SHISA6: variants seen among roughly 807,000 people sequenced by gnomAD.
SHISA6 encodes protein shisa-6.
Under a neutral mutation model 47.9 loss-of-function variants are expected in SHISA6, and 22 were observed. The observed-to-expected ratio is 0.46, with a 90% confidence interval of 0.33 to 0.66. The LOEUF (loss-of-function observed/expected upper bound fraction) is 0.66, where lower values mean the gene tolerates loss of function less well. Ranked by LOEUF, SHISA6 falls within the 30% of genes least tolerant of loss-of-function variation. The probability of loss-of-function intolerance (pLI) is 0.02; values close to 1 mark genes in which losing one functional copy is unlikely to be tolerated. For missense variants in SHISA6, 680 were observed against 764.6 expected, an observed-to-expected ratio of 0.89 and a Z score of 1.30; for synonymous variants, 388 against 337.8, an observed-to-expected ratio of 1.15 and a Z score of -1.63.
chr17:11,520,006 T>C (rs78297931), intron 3 of SHISA6, among the ~76,000 whole-genome samples: 8,461 of 152,138 alleles, frequency 0.056, 281 homozygotes, highest in Middle Eastern at 0.099. Context: ...TCCTAGACCT[T>C]TTCTCTCTCC....
chr17:11,276,830 G>A (rs909866151), intron 2 of SHISA6, among the ~76,000 whole-genome samples: 1 of 152,124 alleles, frequency 6.6e-6, no homozygotes, highest in Non-Finnish European at 1.5e-5. Flanking sequence ...CTTCATTCAG[G>A]ACGACTTCAA....
chr17:11,528,610 G>T (rs1025542346), intron 3 of SHISA6, among the ~76,000 whole-genome samples: 1 of 152,162 alleles, frequency 6.6e-6, no homozygotes, highest in African/African-American at 2.4e-5. Context: ...AAAGCACTGA[G>T]ACACAGACAC....
intron 3 of SHISA6, among the ~76,000 whole-genome samples, chr17:11,394,753 A>G (rs1228336735): frequency 1.3e-5 from 2 of 152,134 alleles, no homozygotes; most frequent in African/African-American, 2.4e-5. Flanking sequence ...TAATTCCTGT[A>G]TACCCTTCGA....
rs186642474 is a variant in SHISA6 at position 11,527,658 on chromosome 17, C to T, written c.896-24238C>T. Among the ~76,000 whole-genome samples the T allele has an allele frequency of 2.7e-5, 4 of 150,544 alleles. No homozygotes were observed. The East Asian group carries it at 7.7e-4, about 29-fold the overall frequency. On this transcript the variant is annotated intron_variant, in intron 3 of 5. Transcript: ENST00000441885. ...GAGTGGGTCAAATCTGGCCTGCTAT[C>T]TGTTTTTGTAAATAAAGTTTTATTG...
At chr17:11,273,617 G>A (rs535596122) in intron 2 of SHISA6, among the ~76,000 whole-genome samples, 1 of 152,366 alleles carries the variant, frequency 6.6e-6, no homozygotes, top group East Asian at 1.9e-4. Context: ...GATTTGTTGA[G>A]GGCTGACTGT....
At chr17:11,354,800 A>G (rs1311658087) in intron 2 of SHISA6, among the ~76,000 whole-genome samples, 2 of 152,076 alleles carry the variant, frequency 1.3e-5, no homozygotes, top group African/African-American at 2.4e-5. Context: ...CCCTCCAGAA[A>G]CAGAATAGCC....
intron 2 of SHISA6, among the ~76,000 whole-genome samples, chr17:11,336,028 G>C (rs144082229): frequency 7.0e-6 from 1 of 143,028 alleles, no homozygotes; most frequent in East Asian, 2.0e-4. Flanking sequence ...GTGAAACCCC[G>C]TCTCTACTTA....
rs1181395685 is a variant in SHISA6 at position 11,560,929 on chromosome 17, G to A, written c.*2625G>A. 1 of 151,864 alleles carries A rather than the reference G, an allele frequency of 6.6e-6. No homozygotes were observed. The highest frequency in any genetic ancestry group is 2.4e-5 in the African/African-American group (1 of 41,326). 9.4% of individuals were successfully genotyped at this position (151,864 alleles called of 1,614,324 possible). Reference sequence around the variant, plus strand: ...GGAATGAAGGGAGGGAGAGAGGGAGGGAGGGAGGGGAGGAGGGAAGAAAAA... The same window carrying A: ...GGAATGAAGGGAGGGAGAGAGGGAGAGAGGGAGGGGAGGAGGGAAGAAAAA... On this transcript the variant is annotated 3_prime_UTR_variant, in exon 6 of 6. Coordinates refer to ENST00000441885, the MANE Select transcript of SHISA6 (RefSeq NM_207386.4).
intron 3 of SHISA6, among the ~76,000 whole-genome samples, chr17:11,540,077 G>A (rs145832954): frequency 1.1e-4 from 17 of 152,168 alleles, no homozygotes; most frequent in East Asian, 9.7e-4. Context: ...CTTCCCACAC[G>A]TTCCAGACCT....
At chr17:11,465,702 C>T (rs1346509384) in intron 3 of SHISA6, among the ~76,000 whole-genome samples, 1 of 152,178 alleles carries the variant, frequency 6.6e-6, no homozygotes, top group Non-Finnish European at 1.5e-5. Flanking sequence ...TCTTCCCATC[C>T]ACTCCCTGCT....
At position 11,560,717 on chromosome 17, in the gene SHISA6, C is replaced by T. The variant is rs939261203; in HGVS notation, c.*2413C>T. 3 of 152,196 alleles carry T rather than the reference C, an allele frequency of 2.0e-5. No homozygotes were observed. The highest frequency in any genetic ancestry group is 4.4e-5 in the Non-Finnish European group (3 of 68,074). 9.4% of individuals were successfully genotyped at this position (152,196 alleles called of 1,614,324 possible). Reference sequence around the variant, plus strand: ...CTTTTCCCCAGGGGTCCTCCCCAAGCCCTGTCTCTGACAGGGTTTCTGTCT... The same window carrying T: ...CTTTTCCCCAGGGGTCCTCCCCAAGTCCTGTCTCTGACAGGGTTTCTGTCT... On this transcript the variant is annotated 3_prime_UTR_variant, in exon 6 of 6. Coordinates refer to ENST00000441885, the MANE Select transcript of SHISA6 (RefSeq NM_207386.4).
chr17:11,273,295 C>T (rs963703195), intron 2 of SHISA6, among the ~76,000 whole-genome samples: 1 of 152,200 alleles, frequency 6.6e-6, no homozygotes, highest in Non-Finnish European at 1.5e-5. Flanking sequence ...CCCCGGGAGC[C>T]CCCTCCAGCT....
chr17:11,518,399 G>A (rs1297039542), intron 3 of SHISA6, among the ~76,000 whole-genome samples: 1 of 152,044 alleles, frequency 6.6e-6, no homozygotes, highest in Non-Finnish European at 1.5e-5. Context: ...TTGTTTAAAA[G>A]GCTGGGGACA....
intron 3 of SHISA6, among the ~76,000 whole-genome samples, chr17:11,406,304 T>C (rs1280960279): frequency 3.9e-5 from 6 of 152,222 alleles, no homozygotes; most frequent in African/African-American, 7.2e-5. Context: ...AGGGAATTAA[T>C]ATCATACTTC....
At chr17:11,305,652 G>T (rs1011486440) in intron 2 of SHISA6, among the ~76,000 whole-genome samples, 16 of 152,210 alleles carry the variant, frequency 1.1e-4, no homozygotes, top group Non-Finnish European at 1.3e-4. Flanking sequence ...GGGTGGCTCT[G>T]CCATTCCCTA....
chr17:11,300,149 CAAAAAAA>C (rs56060137), intron 2 of SHISA6, among the ~76,000 whole-genome samples: 1 of 129,162 alleles, frequency 7.7e-6, no homozygotes, highest in African/African-American at 2.9e-5. Context: ...CATCTTAAAA[CAAAAAAA>C]AAAAAAAAAG....
At chr17:11,522,795 G>A (rs771050774) in intron 3 of SHISA6, among the ~76,000 whole-genome samples, 2 of 152,166 alleles carry the variant, frequency 1.3e-5, no homozygotes, top group Non-Finnish European at 2.9e-5. Context: ...AGTAGACAGT[G>A]TATTTCATAT....
At chr17:11,357,224 A>G (rs2142226056) in intron 2 of SHISA6, among the ~76,000 whole-genome samples, 1 of 151,428 alleles carries the variant, frequency 6.6e-6, no homozygotes, top group Non-Finnish European at 1.5e-5. Context: ...AAGAAGAAGA[A>G]GAAGAAGCAG....
chr17:11,254,412 G>C (rs988704851), intron 1 of SHISA6, among the ~76,000 whole-genome samples: 1 of 152,208 alleles, frequency 6.6e-6, no homozygotes, highest in Non-Finnish European at 1.5e-5. Context: ...GGATGTGGGA[G>C]GAGATGTATT....
Sources: gnomAD v4.1 joint callset for allele counts (sites outside exome capture counted in the v4.1 genomes callset) on GRCh38, gnomAD v4.1.1 for gene constraint, MANE v1.5 for transcripts, NCBI Gene and HGNC (gene_info 2026-07-23, HGNC 2026-07-21) for gene names.